Variants in WWC2 observed in about 807,000 individuals in gnomAD.
WWC2 encodes the protein WW and C2 domain containing 2, also known as protein WWC2.
In WWC2, 101 loss-of-function variants were observed where a neutral mutation model predicts 138.5. The ratio of observed to expected loss-of-function variants is 0.73; its 90% CI spans 0.62 to 0.86. The LOEUF (loss-of-function observed/expected upper bound fraction) is 0.86, where lower values mean the gene tolerates loss of function less well. Ranked by LOEUF, WWC2 falls within the 40% of genes least tolerant of loss-of-function variation. The probability of loss-of-function intolerance (pLI) is 0.00; values close to 1 mark genes in which losing one functional copy is unlikely to be tolerated. For missense variants in WWC2, 1,420 were observed against 1,419.4 expected, an observed-to-expected ratio of 1.00 and a Z score of -0.01; for synonymous variants, 558 against 538.4, an observed-to-expected ratio of 1.04 and a Z score of -0.50.
In WWC2 at chr4:183,099,268, C is replaced by G. The variant is rs944982285; in HGVS notation, c.-224C>G. The G allele has an allele frequency of 3.9e-6, 1 of 253,896 alleles. No homozygotes were observed. The highest frequency in any genetic ancestry group is 2.3e-5 in the African/African-American group (1 of 43,784). The allele number at this position is 253,896 out of a possible 1,614,324, so 15.7% of individuals were successfully genotyped here. A position where few individuals can be genotyped will look rare whatever the true frequency, so the allele number is the denominator to read the frequency against. The stretch of plus-strand genomic sequence containing the variant: ...GGCGAGGGGGAGGAGGGTTCGCTCG[C>G]CGGCTCCGACGCAGACATGGTGGAC... On this transcript the variant is annotated 5_prime_UTR_variant, in exon 1 of 23. Coordinates refer to ENST00000403733, the MANE Select transcript of WWC2 (RefSeq NM_024949.6).
chr4:183,101,734 AAG>A (rs1436981769), intron 1 of WWC2, among the ~76,000 whole-genome samples: 2 of 152,300 alleles, frequency 1.3e-5, no homozygotes, highest in African/African-American at 4.8e-5. Flanking sequence ...AACATATGGA[AAG>A]AGAGATGTTA....
At position 183,320,710 on chromosome 4, in the gene WWC2, A is replaced by T. The variant is rs796309572; in HGVS notation, c.*4981A>T. On this transcript the variant is annotated 3_prime_UTR_variant, in exon 23 of 23. Coordinates refer to ENST00000403733, the MANE Select transcript of WWC2 (RefSeq NM_024949.6). ...AAATGTGCATGTTATGGTAATACTG[A>T]GTGTTATTTTTTAAAAATAGGTTTA... The T allele has an allele frequency of 1.1e-5, 2 of 175,036 alleles. No individual in the cohort carries two copies. The highest frequency in any genetic ancestry group is 4.8e-5 in the African/African-American group (2 of 41,598). 10.8% of individuals were successfully genotyped at this position (175,036 alleles called of 1,614,324 possible). A position where few individuals can be genotyped will look rare whatever the true frequency, so the allele number is the denominator to read the frequency against.
chr4:183,268,676 T>G (rs1021645180), intron 14 of WWC2, among the ~76,000 whole-genome samples: 1 of 152,150 alleles, frequency 6.6e-6, no homozygotes, highest in East Asian at 1.9e-4. Context: ...GACGTTAAAT[T>G]CGTCTGCCCT....
At position 183,255,639 on chromosome 4, in the gene WWC2, T is replaced by C. The variant is rs929865870; in HGVS notation, c.1196+1640T>C. The stretch of plus-strand genomic sequence containing the variant: ...TCTAGGAAGGACTTACAAACAGATT[T>C]GTTCTGGCAGAGAAAGAAGACATAT... On this transcript the variant is annotated intron_variant, in intron 9 of 22. Coordinates refer to ENST00000403733, the MANE Select transcript of WWC2 (RefSeq NM_024949.6). 1.1e-4 allele frequency among the ~76,000 whole-genome samples: 16 copies of C among 152,240 alleles called. No individual in the cohort carries two copies. In the South Asian group the frequency reaches 2.5e-3, roughly 24 times the overall value.
At chr4:183,238,361 C>T (rs1736495256) in intron 4 of WWC2, among the ~76,000 whole-genome samples, 1 of 152,204 alleles carries the variant, frequency 6.6e-6, no homozygotes, top group Non-Finnish European at 1.5e-5. Flanking sequence ...GCCCACAGTG[C>T]TGGCATAATG....
chr4:183,291,457 CTT>C (rs1738448767), intron 21 of WWC2, among the ~76,000 whole-genome samples: 1 of 152,206 alleles, frequency 6.6e-6, no homozygotes, highest in Admixed American at 6.5e-5. Flanking sequence ...TTTTTACTCT[CTT>C]GAGTTTTTAA....
intron 21 of WWC2, among the ~76,000 whole-genome samples, chr4:183,307,890 G>A (rs1484546199): frequency 2.0e-5 from 3 of 152,168 alleles, no homozygotes; most frequent in Non-Finnish European, 2.9e-5. Context: ...AAGGTATCCC[G>A]CTTGGGAAGG....
chr4:183,296,090 T>A (rs1738622739), intron 21 of WWC2, among the ~76,000 whole-genome samples: 1 of 152,344 alleles, frequency 6.6e-6, no homozygotes, highest in East Asian at 1.9e-4. Flanking sequence ...ACGGGTGCCG[T>A]CACTTCCTGT....
intron 1 of WWC2, among the ~76,000 whole-genome samples, chr4:183,159,611 C>A (rs114931868): frequency 1.4e-3 from 213 of 151,866 alleles, no homozygotes; most frequent in African/African-American, 5.0e-3. Context: ...TGTCATGTTG[C>A]CTAGGCTTGT....
chr4:183,130,857 A>G (rs1205788730), intron 1 of WWC2, among the ~76,000 whole-genome samples: 3 of 152,204 alleles, frequency 2.0e-5, no homozygotes, highest in East Asian at 1.9e-4. Flanking sequence ...ACCTCCTGAA[A>G]AAAGACTCAA....
chr4:183,183,539 T>A (rs1017973016), intron 1 of WWC2, among the ~76,000 whole-genome samples: 9 of 152,158 alleles, frequency 5.9e-5, no homozygotes. Flanking sequence ...CTCCACACTT[T>A]GGGAGGCCAG....
At chr4:183,233,822 G>T (rs1433206185) in intron 4 of WWC2, 1 of 152,194 alleles carries the variant, frequency 6.6e-6, no homozygotes, top group Admixed American at 6.5e-5. Context: ...TGAAGTAGGT[G>T]TTGAGGATTT....
Position 183,315,691 on chromosome 4 carries a change from A to G in WWC2, c.3541A>G (p.Lys1181Glu), listed in dbSNP as rs779829656. Residue 1181 changes from lysine to glutamate, a missense_variant, in exon 23 of 23, where the codon AAG becomes GAG. Physicochemically the swap from Lys to Glu is moderately conservative, Grantham distance 56. Transcript: ENST00000403733. ...REKIAYFTRA[K>E]ISIPSLPADD... ...GAAGATTGCCTACTTCACCAGAGCA[A>G]AGATAAGCATCCCATCCCTGCCAGC... The G allele has an allele frequency of 8.1e-6, 13 of 1,613,410 alleles. No individual in the cohort carries two copies. The highest frequency in any genetic ancestry group is 1.7e-5 in the Admixed American group (1 of 59,964).
chr4:183,136,494 CAT>C lies in WWC2; in HGVS notation c.131+36874_131+36875del, dbSNP rs1733119217. On this transcript the variant is annotated intron_variant, in intron 1 of 22. Transcript: ENST00000403733. ...TTCATTTTTAAGACTTTCCTGGAAA[CAT>C]AGTACGCATGCTTATTTTAGGGCCT... 1.3e-5 allele frequency among the ~76,000 whole-genome samples: 2 copies of C among 152,126 alleles called. 1 individual carries two copies. Among genetic ancestry groups the C allele is most frequent in the South Asian group, 4.1e-4 (2 of 4,834 alleles).
chr4:183,145,963 G>A (rs1733440252), intron 1 of WWC2, among the ~76,000 whole-genome samples: 1 of 152,128 alleles, frequency 6.6e-6, no homozygotes, highest in Admixed American at 6.5e-5. Flanking sequence ...TTGAAGTTTG[G>A]TTGATTAATG....
At chr4:183,131,798 A>T (rs1255040787) in intron 1 of WWC2, among the ~76,000 whole-genome samples, 1 of 151,972 alleles carries the variant, frequency 6.6e-6, no homozygotes, top group African/African-American at 2.4e-5. Context: ...AGCTTTAGAG[A>T]TTTGTCTTTA....
intron 4 of WWC2, among the ~76,000 whole-genome samples, chr4:183,239,360 T>G (rs951803466): frequency 1.3e-5 from 2 of 152,100 alleles, no homozygotes; most frequent in Admixed American, 1.3e-4. Context: ...GGCTCTAACT[T>G]AATATATGGA....
At chr4:183,193,816 A>G (rs570696676) in intron 2 of WWC2, 108 bp downstream of exon 2, 883 of 945,564 alleles carry the variant, frequency 9.3e-4, no homozygotes, top group Non-Finnish European at 1.4e-3. Context: ...CCAAAACCCC[A>G]TTTTCTTAGT....
chr4:183,269,553 T>C, intron 15 of WWC2: 1 of 472,956 alleles, frequency 2.1e-6, no homozygotes, highest in South Asian at 1.6e-5. Flanking sequence ...AAAGATTGGT[T>C]ATGAAATGGA....
Sources: gnomAD v4.1 joint callset for allele counts (sites outside exome capture counted in the v4.1 genomes callset) on GRCh38, gnomAD v4.1.1 for gene constraint, MANE v1.5 for transcripts, NCBI Gene and HGNC (gene_info 2026-07-23, HGNC 2026-07-21) for gene names.